Variants in FLRT2 observed in about 807,000 individuals in gnomAD.
FLRT2 encodes the protein fibronectin leucine rich transmembrane protein 2, also known as leucine-rich repeat transmembrane protein FLRT2.
FLRT2 carries 15 observed loss-of-function variants against 40.0 expected under a neutral mutation model. The observed-to-expected ratio is 0.38, with a 90% confidence interval of 0.25 to 0.58. The LOEUF (loss-of-function observed/expected upper bound fraction) is 0.58. FLRT2 is among the 20% of genes least tolerant of loss of function. FLRT2 has a pLI of 0.71. For missense variants in FLRT2, 726 were observed against 840.0 expected (o/e 0.86, Z 1.68); for synonymous variants, 380 against 336.8 (o/e 1.13, Z -1.41).
At chr14:85,533,791 G>T (rs920766043) in intron 1 of FLRT2, among the ~76,000 whole-genome samples, 2 of 151,688 alleles carry the variant, frequency 1.3e-5, no homozygotes, top group Admixed American at 1.3e-4. Context: ...GGCCCGCTGC[G>T]GGGAGGCGCG....
At chr14:85,611,026 A>G (rs1815221) in intron 1 of FLRT2, among the ~76,000 whole-genome samples, 134,510 of 152,142 alleles carry the variant, frequency 0.88, 59,751 homozygotes, top group African/African-American at 0.97. Flanking sequence ...TTCCAAAGTA[A>G]CTGGGATTAC....
In FLRT2 at chr14:85,622,876, G is replaced by C. The variant is rs1339062408; in HGVS notation, c.1362G>C (p.Trp454Cys). The C allele has an allele frequency of 6.2e-7, 1 of 1,614,206 alleles. No individual in the cohort carries two copies. Residue 454 changes from tryptophan to cysteine, a missense_variant, in exon 2 of 2, where the codon TGG (tryptophan) becomes TGC (cysteine). Transcript: ENST00000330753. Reference sequence around the variant, plus strand: ...CCGTGATGGCATACAAACTCACATGGGTGAAAATGGGCCACAGTTTAGTAG... The same window carrying C: ...CCGTGATGGCATACAAACTCACATGCGTGAAAATGGGCCACAGTTTAGTAG... ...LFTVMAYKLT[W>C]VKMGHSLVGG...
At chr14:85,558,804 A>C (rs1386588936) in intron 1 of FLRT2, among the ~76,000 whole-genome samples, 1 of 152,170 alleles carries the variant, frequency 6.6e-6, no homozygotes, top group Non-Finnish European at 1.5e-5. Flanking sequence ...TGTATCATGC[A>C]TATTTGACAT....
At chr14:85,535,143 C>T (rs1048794624) in intron 1 of FLRT2, among the ~76,000 whole-genome samples, 1 of 152,200 alleles carries the variant, frequency 6.6e-6, no homozygotes, top group African/African-American at 2.4e-5. Flanking sequence ...GGAGCTATTG[C>T]TCCCCACTCA....
At chr14:85,580,098 A>G (rs1891317673) in intron 1 of FLRT2, among the ~76,000 whole-genome samples, 2 of 152,012 alleles carry the variant, frequency 1.3e-5, no homozygotes, top group South Asian at 2.1e-4. Flanking sequence ...GATTTCTCCC[A>G]AAGTATTTGT....
rs542115995 is a variant in FLRT2 at position 85,612,172 on chromosome 14, G to A, written c.-376-8967G>A. Among the ~76,000 whole-genome samples the A allele has an allele frequency of 7.5e-4, 112 of 150,204 alleles. 1 individual carries two copies. The highest frequency in any genetic ancestry group is 2.7e-3 in the African/African-American group (112 of 40,918). On this transcript the variant is annotated intron_variant, in intron 1 of 1. Coordinates refer to ENST00000330753, the MANE Select transcript of FLRT2 (RefSeq NM_013231.6). ...AGAAAAAAAAAAACACAGTTAAGTG[G>A]TTGAAATTGATTAGCACTACAAAAA...
rs149180602 is a variant in FLRT2 at position 85,622,734 on chromosome 14, C to A, written c.1220C>A (p.Thr407Lys). Residue 407 changes from threonine to lysine, a missense_variant, in exon 2 of 2, where the codon ACG (threonine) becomes AAG (lysine). Transcript: ENST00000330753. ...ACTCCTACCACATCGAAACTTCCCA[C>A]GATTCCTGACTGGGATGGCAGAGAA... is the stretch of plus-strand genomic sequence containing the variant. ...PPTPTTSKLP[T>K]IPDWDGRERV... 2 of 1,614,036 alleles carry A rather than the reference C, an allele frequency of 1.2e-6. No homozygotes were observed. The highest frequency in any genetic ancestry group is 1.3e-5 in the African/African-American group (1 of 75,036).
chr14:85,584,457 T>C (rs938897962), intron 1 of FLRT2, among the ~76,000 whole-genome samples: 1 of 152,232 alleles, frequency 6.6e-6, no homozygotes, highest in Non-Finnish European at 1.5e-5. Context: ...CAGTAGGTAT[T>C]GAATGCCTAG....
At chr14:85,532,054 T>C (rs1888317715) in intron 1 of FLRT2, among the ~76,000 whole-genome samples, 2 of 152,172 alleles carry the variant, frequency 1.3e-5, no homozygotes, top group African/African-American at 2.4e-5. Flanking sequence ...AAAAAACAAT[T>C]GGGGAAGTGG....
chr14:85,646,948 G>A lies in FLRT2; in HGVS notation c.*23451G>A, dbSNP rs1432478955. On this transcript the variant is annotated 3_prime_UTR_variant, in exon 2 of 2. Coordinates refer to ENST00000330753, the MANE Select transcript of FLRT2 (RefSeq NM_013231.6). ...AAGTTGCCTGGGACCAACATACTCT[G>A]TCCAAGAGACACAGTGACACATACA... 6.6e-6 allele frequency: 1 copy of A among 152,164 alleles called. No homozygotes were observed. Among genetic ancestry groups the A allele is most frequent in the African/African-American group, 2.4e-5 (1 of 41,432 alleles). The allele number at this position is 152,164 out of a possible 1,614,324, so 9.4% of individuals were successfully genotyped here.
intron 1 of FLRT2, among the ~76,000 whole-genome samples, chr14:85,553,551 C>G (rs1384831950): frequency 6.6e-6 from 1 of 152,154 alleles, no homozygotes; most frequent in Non-Finnish European, 1.5e-5. Flanking sequence ...GTTGGACAAG[C>G]TTGATCTAAG....
At position 85,622,039 on chromosome 14, in the gene FLRT2, T is replaced by C. The variant is rs1825860550; in HGVS notation, c.525T>C (p.Pro175=). 6 of 1,613,674 alleles carry C rather than the reference T, an allele frequency of 3.7e-6. No homozygotes were observed. The highest frequency in any genetic ancestry group is 1.3e-5 in the African/African-American group (1 of 74,936). Residue 175 remains proline (P), a synonymous_variant, in exon 2 of 2, where the codon CCT becomes CCC. Coordinates refer to ENST00000330753, the MANE Select transcript of FLRT2 (RefSeq NM_013231.6). ...CTAAGAATCACCTGAGCAGTGTGCC[T>C]GTTGGGCTTCCTGTGGACTTGCAAG... ...FLSKNHLSSV[P]VGLPVDLQEL...
At chr14:85,597,937 A>G (rs915544819) in intron 1 of FLRT2, among the ~76,000 whole-genome samples, 1 of 152,280 alleles carries the variant, frequency 6.6e-6, no homozygotes, top group Admixed American at 6.5e-5. Context: ...TATACCCACA[A>G]AGTGGTTTAT....
chr14:85,621,434 C>T lies in FLRT2; in HGVS notation c.-81C>T. Reference sequence around the variant, plus strand: ...TTCTGGACTTCAACAGAACCCCATCCAGTCATTTTGATTTTGCTGTTTATT... The same window carrying T: ...TTCTGGACTTCAACAGAACCCCATCTAGTCATTTTGATTTTGCTGTTTATT... On this transcript the variant is annotated 5_prime_UTR_variant, in exon 2 of 2. Coordinates refer to ENST00000330753, the MANE Select transcript of FLRT2 (RefSeq NM_013231.6). The T allele has an allele frequency of 7.6e-7, 1 of 1,321,676 alleles. No homozygotes were observed. The highest frequency in any genetic ancestry group is 1.5e-5 in the South Asian group (1 of 67,838). The allele number at this position is 1,321,676 out of a possible 1,614,324, so 81.9% of individuals were successfully genotyped here.
chr14:85,564,156 A>G (rs1184273077), intron 1 of FLRT2, among the ~76,000 whole-genome samples: 1 of 152,196 alleles, frequency 6.6e-6, no homozygotes, highest in Non-Finnish European at 1.5e-5. Context: ...GCACTTGGCT[A>G]CCTGCTCTTC....
At chr14:85,619,421 ATC>A (rs1034929819) in intron 1 of FLRT2, among the ~76,000 whole-genome samples, 4 of 152,016 alleles carry the variant, frequency 2.6e-5, no homozygotes, top group African/African-American at 9.7e-5. Context: ...AAAGCATCGT[ATC>A]TCTCTATTTT....
intron 1 of FLRT2, among the ~76,000 whole-genome samples, chr14:85,560,148 A>G (rs1427195633): frequency 6.6e-6 from 1 of 151,540 alleles, no homozygotes. Flanking sequence ...CATGTCTCCA[A>G]CTCCATGTGG....
rs1894119391 is a variant in FLRT2, at chr14:85,640,152, A to G, written c.*16655A>G. The G allele has an allele frequency of 6.6e-6, 1 of 152,252 alleles. No homozygotes were observed. The highest frequency in any genetic ancestry group is 1.5e-5 in the Non-Finnish European group (1 of 68,080). 9.4% of individuals were successfully genotyped at this position (152,252 alleles called of 1,614,324 possible). A position where few individuals can be genotyped will look rare whatever the true frequency, so the allele number is the denominator to read the frequency against. ...CGTGAGCCACTGCCCCCCACCCACT[A>G]GCAGAAATTCTTAACAGTTATTGTT... On this transcript the variant is annotated 3_prime_UTR_variant, in exon 2 of 2. Transcript: ENST00000330753.
chr14:85,533,405 C>T (rs897828320), intron 1 of FLRT2, among the ~76,000 whole-genome samples: 9 of 152,082 alleles, frequency 5.9e-5, no homozygotes, highest in Non-Finnish European at 1.3e-4. Flanking sequence ...GCACTTGGAG[C>T]GAGCCCTGCG....
Sources: gnomAD v4.1 joint callset for allele counts (sites outside exome capture counted in the v4.1 genomes callset) on GRCh38, gnomAD v4.1.1 for gene constraint, MANE v1.5 for transcripts, NCBI Gene and HGNC (gene_info 2026-07-23, HGNC 2026-07-21) for gene names.